The following TNRC6B variants were observed in gnomAD, a reference collection of about 807,000 sequenced individuals.
The protein encoded by TNRC6B is trinucleotide repeat-containing gene 6B protein.
A neutral mutation model predicts 203.6 loss-of-function variants in TNRC6B; 52 were observed. The ratio of observed to expected loss-of-function variants is 0.26; its 90% CI spans 0.20 to 0.32. TNRC6B has a LOEUF of 0.32. TNRC6B is among the 10% of genes least tolerant of loss of function. TNRC6B has a pLI of 1.00. For missense variants in TNRC6B, 1,923 were observed against 2,286.2 expected, an observed-to-expected ratio of 0.84 and a Z score of 3.24; for synonymous variants, 838 against 845.7, an observed-to-expected ratio of 0.99 and a Z score of 0.16.
chr22:40,142,347 C>G (rs549520538), intron 3 of TNRC6B, among the ~76,000 whole-genome samples: 6 of 151,992 alleles, frequency 3.9e-5, no homozygotes, highest in Non-Finnish European at 8.8e-5. Flanking sequence ...CAGGCATGAG[C>G]CACCGTGCAC....
At chr22:40,291,667 T>A (rs1253464204) in intron 12 of TNRC6B, among the ~76,000 whole-genome samples, 1 of 152,224 alleles carries the variant, frequency 6.6e-6, no homozygotes, top group Non-Finnish European at 1.5e-5. Flanking sequence ...TACTTAACAT[T>A]CCCTTCCCCC....
chr22:40,256,869 A>G (rs12484776), intron 3 of TNRC6B, among the ~76,000 whole-genome samples: 29,577 of 152,144 alleles, frequency 0.19, 3,473 homozygotes, highest in Admixed American at 0.34. Flanking sequence ...CAGAAAAACC[A>G]AAGAAGGAAA....
intron 1 of TNRC6B, among the ~76,000 whole-genome samples, chr22:40,048,265 C>T (rs2067710020): frequency 6.6e-6 from 1 of 152,132 alleles, no homozygotes; most frequent in Admixed American, 6.6e-5. Context: ...ATTGGCCGGG[C>T]GTGGTGGCTC....
At chr22:40,197,603 T>C (rs937861980) in intron 1 of TNRC6B, among the ~76,000 whole-genome samples, 4 of 135,558 alleles carry the variant, frequency 3.0e-5, no homozygotes, top group African/African-American at 1.3e-4. Context: ...CGTTTTTCTT[T>C]TTCTTTTTTT....
intron 3 of TNRC6B, chr22:40,156,052 T>C: frequency 6.8e-7 from 1 of 1,481,140 alleles, no homozygotes; most frequent in Non-Finnish European, 9.2e-7. Flanking sequence ...CAGGTGTGGG[T>C]TCTTGGAGTG....
intron 1 of TNRC6B, among the ~76,000 whole-genome samples, chr22:40,083,546 A>T (rs939251125): frequency 6.6e-6 from 1 of 152,094 alleles, no homozygotes; most frequent in Non-Finnish European, 1.5e-5. Context: ...AGAGTGATAC[A>T]GAGTCAAAGA....
At chr22:40,146,446 A>G (rs1474525184) in intron 3 of TNRC6B, among the ~76,000 whole-genome samples, 1 of 151,932 alleles carries the variant, frequency 6.6e-6, no homozygotes, top group East Asian at 1.9e-4. Flanking sequence ...CCCAGGCTGG[A>G]GACCAATGGC....
intron 1 of TNRC6B, among the ~76,000 whole-genome samples, chr22:40,063,047 A>G (rs2067867448): frequency 6.6e-6 from 1 of 152,010 alleles, no homozygotes; most frequent in African/African-American, 2.4e-5. Context: ...TAAGATTGTT[A>G]TAGTTTTAAC....
intron 1 of TNRC6B, among the ~76,000 whole-genome samples, chr22:40,222,726 C>CTTTT (rs1601896876): frequency 6.3e-5 from 5 of 79,070 alleles, no homozygotes; most frequent in African/African-American, 2.3e-4. Context: ...CTCTCTCTCT[C>CTTTT]TCTTTTTTTT....
At chr22:40,222,696 T>C (rs527521982) in intron 1 of TNRC6B, among the ~76,000 whole-genome samples, 1 of 148,548 alleles carries the variant, frequency 6.7e-6, no homozygotes, top group East Asian at 2.0e-4. Context: ...TTTCCCCCAT[T>C]GGTAACATCT....
At chr22:40,046,988 G>A (rs955566162) in intron 1 of TNRC6B, among the ~76,000 whole-genome samples, 5 of 152,072 alleles carry the variant, frequency 3.3e-5, no homozygotes, top group African/African-American at 4.8e-5. Flanking sequence ...TGTTGAAATG[G>A]CAGTAATAAT....
chr22:40,318,370 AC>A (rs1407709359), intron 21 of TNRC6B, among the ~76,000 whole-genome samples: 1 of 151,992 alleles, frequency 6.6e-6, no homozygotes, highest in African/African-American at 2.4e-5. Flanking sequence ...ACATGGTGAA[AC>A]CCCATCTTTA....
At chr22:40,288,614 C>T (rs2070822901) in intron 12 of TNRC6B, among the ~76,000 whole-genome samples, 1 of 151,800 alleles carries the variant, frequency 6.6e-6, no homozygotes, top group South Asian at 2.1e-4. Flanking sequence ...ACAATCTCTG[C>T]TCACTGCAAC....
At chr22:40,176,195 G>T (rs990707236), upstream of TNRC6B, among the ~76,000 whole-genome samples, 2 of 151,216 alleles carry the variant, frequency 1.3e-5, no homozygotes, top group African/African-American at 2.4e-5. Context: ...CGCGATCTCG[G>T]CTCACCACAA....
At chr22:40,248,282 G>A (rs1021518501) in intron 2 of TNRC6B, among the ~76,000 whole-genome samples, 1 of 152,180 alleles carries the variant, frequency 6.6e-6, no homozygotes, top group African/African-American at 2.4e-5. Flanking sequence ...CTGGAGGGAT[G>A]TGAGATTAAA....
At chr22:40,083,756 G>C (rs1397553950) in intron 1 of TNRC6B, among the ~76,000 whole-genome samples, 1 of 152,114 alleles carries the variant, frequency 6.6e-6, no homozygotes, top group Non-Finnish European at 1.5e-5. Context: ...GTTGAAATAG[G>C]GGAAAGAGGG....
chr22:40,131,919 C>A (rs1299717711), intron 3 of TNRC6B, among the ~76,000 whole-genome samples: 1 of 152,232 alleles, frequency 6.6e-6, no homozygotes, highest in Non-Finnish European at 1.5e-5. Flanking sequence ...ATATTTCTTA[C>A]ATTTTTCCCA....
At chr22:40,135,811 G>T (rs1462794360) in intron 3 of TNRC6B, among the ~76,000 whole-genome samples, 1 of 152,182 alleles carries the variant, frequency 6.6e-6, no homozygotes, top group East Asian at 1.9e-4. Flanking sequence ...CAAAGCAGCA[G>T]ACTTTTAAAG....
intron 1 of TNRC6B, among the ~76,000 whole-genome samples, chr22:40,113,165 A>C (rs2068355531): frequency 6.6e-6 from 1 of 152,082 alleles, no homozygotes; most frequent in Non-Finnish European, 1.5e-5. Flanking sequence ...CAATAGCTAG[A>C]ACAGATTTTA....
Sources: gnomAD v4.1 joint callset for allele counts (sites outside exome capture counted in the v4.1 genomes callset) on GRCh38, gnomAD v4.1.1 for gene constraint, MANE v1.5 for transcripts, NCBI Gene and HGNC (gene_info 2026-07-23, HGNC 2026-07-21) for gene names.